Variants in EPB41L4A observed in about 807,000 individuals in gnomAD.
EPB41L4A encodes erythrocyte membrane protein band 4.1 like 4A.
In EPB41L4A, 100 loss-of-function variants were observed where a neutral mutation model predicts 108.6. The observed-to-expected ratio is 0.92, with a 90% CI of 0.78 to 1.09. EPB41L4A has a LOEUF of 1.09. EPB41L4A is among the 50% of genes least tolerant of loss of function. The pLI is 0.00. For missense variants in EPB41L4A, 1,030 were observed against 842.7 expected, an observed-to-expected ratio of 1.22 and a Z score of -2.75; for synonymous variants, 319 against 289.0, an observed-to-expected ratio of 1.10 and a Z score of -1.05.
intron 2 of EPB41L4A, among the ~76,000 whole-genome samples, chr5:112,298,139 G>A (rs188849681): frequency 6.6e-6 from 1 of 152,042 alleles, no homozygotes; most frequent in East Asian, 1.9e-4. Context: ...TGAACTGTAG[G>A]ATTGTTTTTT....
chr5:112,374,773 A>G (rs937542559), intron 1 of EPB41L4A, among the ~76,000 whole-genome samples: 5 of 152,220 alleles, frequency 3.3e-5, no homozygotes, highest in Admixed American at 6.5e-5. Flanking sequence ...GGAAGGGGTC[A>G]GAAGGTAATT....
chr5:112,276,051 A>G (rs1752613837), intron 3 of EPB41L4A, among the ~76,000 whole-genome samples: 1 of 152,194 alleles, frequency 6.6e-6, no homozygotes, highest in South Asian at 2.1e-4. Flanking sequence ...TCTGGGAAGA[A>G]GGGCTAGAAA....
In EPB41L4A at chr5:112,194,635, G is replaced by C. The variant is rs201722745; in HGVS notation, c.1435C>G (p.Arg479Gly). ...TCACTACCACTGCTGGTGTTACAGC[G>C]TGAACGTGACCTGAAGACAAAAAGG... ...DLKQRRRSRS[R>G]CNTSSGSESE... The change falls in exon 17 of 23, where the codon CGC becomes GGC. Residue 479 changes from arginine to glycine, a missense_variant. Transcript: ENST00000261486. 15 of 1,601,860 alleles carry C rather than the reference G, an allele frequency of 9.4e-6. No individual in the cohort carries two copies. In the Admixed American group the frequency reaches 2.4e-4, roughly 26 times the overall value.
intron 1 of EPB41L4A, among the ~76,000 whole-genome samples, chr5:112,384,765 CGGAAGGAA>C (rs143607126): frequency 9.0e-5 from 12 of 133,884 alleles, no homozygotes; most frequent in African/African-American, 3.2e-4. Flanking sequence ...GAAAGAGAAA[CGGAAGGAA>C]GGAAGGAAGG....
intron 6 of EPB41L4A, 28 bp downstream of exon 6, chr5:112,264,868 C>T (rs1170435794): frequency 1.3e-6 from 2 of 1,596,726 alleles, no homozygotes; most frequent in Non-Finnish European, 1.7e-6. Flanking sequence ...ATGGATGATG[C>T]AATAAGACAT....
intron 8 of EPB41L4A, 67 bp from the exon 9 acceptor site, chr5:112,259,359 T>G: frequency 7.4e-7 from 1 of 1,346,012 alleles, no homozygotes; most frequent in Non-Finnish European, 1.1e-6. Context: ...ATCAGGGAAG[T>G]ATCCAGTGGA....
chr5:112,211,938 C>A (rs1032579545), intron 12 of EPB41L4A, among the ~76,000 whole-genome samples: 1 of 152,160 alleles, frequency 6.6e-6, no homozygotes, highest in South Asian at 2.1e-4. Context: ...TAAGCTCATG[C>A]TGGAGCCACT....
chr5:112,315,154 G>T (rs1056959404), intron 1 of EPB41L4A, among the ~76,000 whole-genome samples: 1 of 152,104 alleles, frequency 6.6e-6, no homozygotes, highest in Admixed American at 6.5e-5. Context: ...TCAAGATCCA[G>T]TTAAAATGCC....
At chr5:112,178,972 T>TA (rs35304235) in intron 18 of EPB41L4A, among the ~76,000 whole-genome samples, 4 of 149,240 alleles carry the variant, frequency 2.7e-5, no homozygotes, top group South Asian at 4.2e-4. Context: ...AAAAATAAAT[T>TA]AAAAAAAAAT....
intron 1 of EPB41L4A, among the ~76,000 whole-genome samples, chr5:112,351,625 T>A (rs1385054272): frequency 6.6e-6 from 1 of 152,046 alleles, no homozygotes; most frequent in Non-Finnish European, 1.5e-5. Context: ...GAAGCCAGCA[T>A]TACGCTGATG....
chr5:112,340,081 T>C (rs919526181), intron 1 of EPB41L4A, among the ~76,000 whole-genome samples: 1 of 151,978 alleles, frequency 6.6e-6, no homozygotes. Flanking sequence ...CACAGCAGCA[T>C]GAGAAAAGTC....
intron 9 of EPB41L4A, among the ~76,000 whole-genome samples, chr5:112,243,594 CT>C (rs1561505009): frequency 6.6e-6 from 1 of 152,206 alleles, no homozygotes; most frequent in Non-Finnish European, 1.5e-5. Context: ...CACTGAAAAT[CT>C]GTTGTTTAGT....
chr5:112,374,113 A>G (rs1759660611), intron 1 of EPB41L4A, among the ~76,000 whole-genome samples: 1 of 152,242 alleles, frequency 6.6e-6, no homozygotes, highest in African/African-American at 2.4e-5. Context: ...TGCTCAGTTT[A>G]GAAATAAATA....
intron 9 of EPB41L4A, among the ~76,000 whole-genome samples, chr5:112,258,273 C>G (rs13176791): frequency 6.6e-6 from 1 of 152,186 alleles, no homozygotes; most frequent in Non-Finnish European, 1.5e-5. Flanking sequence ...TATGAAGTAC[C>G]TACTACATGT....
chr5:112,162,386 T>C (rs1409446672), downstream of EPB41L4A: 5 of 152,252 alleles, frequency 3.3e-5, no homozygotes, highest in Admixed American at 3.3e-4. Flanking sequence ...GGGGTTCTTT[T>C]TTGATCAGTA....
Position 112,284,097 on chromosome 5 carries a change from G to A in EPB41L4A, c.205-3774C>T, listed in dbSNP as rs114141078. On this transcript the variant is annotated intron_variant, in intron 2 of 22. Coordinates refer to ENST00000261486, the MANE Select transcript of EPB41L4A (RefSeq NM_022140.5). ...GTCCTTTACAATTGAACACCCTATT[G>A]AAGTCAGTGTTGCCTAACAGCTAAC... is the stretch of plus-strand genomic sequence containing the variant. Among the ~76,000 whole-genome samples the A allele has an allele frequency of 5.9e-3, 891 of 152,200 alleles. 2 individuals carry two copies. The highest frequency in any genetic ancestry group is 0.014 in the Middle Eastern group (4 of 294).
chr5:112,394,405 A>C (rs911763694), intron 1 of EPB41L4A, among the ~76,000 whole-genome samples: 1 of 152,194 alleles, frequency 6.6e-6, no homozygotes, highest in Non-Finnish European at 1.5e-5. Flanking sequence ...CAGGATACAA[A>C]ATCAATGTGC....
intron 1 of EPB41L4A, among the ~76,000 whole-genome samples, chr5:112,342,975 TG>T (rs1757412000): frequency 6.6e-6 from 1 of 152,194 alleles, no homozygotes; most frequent in African/African-American, 2.4e-5. Flanking sequence ...ATTTCTATAA[TG>T]TACAACTGAC....
At chr5:112,204,748 AC>A (rs1168413863) in intron 14 of EPB41L4A, 4 of 333,312 alleles carry the variant, frequency 1.2e-5, no homozygotes, top group Non-Finnish European at 2.3e-5. Flanking sequence ...CACACAAATA[AC>A]AATAACAATT....
Sources: allele counts gnomAD v4.1 joint callset (sites outside exome capture counted in the v4.1 genomes callset), GRCh38; gene constraint gnomAD v4.1.1; transcripts MANE v1.5; gene names NCBI Gene and HGNC (gene_info 2026-07-23, HGNC 2026-07-21).